Variants in TIMM23 observed in about 807,000 individuals in gnomAD.
TIMM23 encodes the protein mitochondrial import inner membrane translocase subunit Tim23.
In TIMM23, 19 loss-of-function variants were observed where a neutral mutation model predicts 30.7. The ratio of observed to expected loss-of-function variants is 0.62; its 90% confidence interval spans 0.43 to 0.91. The LOEUF (loss-of-function observed/expected upper bound fraction) is 0.91, where lower values mean the gene tolerates loss of function less well. Ranked by LOEUF, TIMM23 falls within the 40% of genes least tolerant of loss-of-function variation. TIMM23 has a pLI of 0.00. For synonymous variants in TIMM23, 78 were observed against 98.5 expected (o/e 0.79, Z 1.23); for missense variants, 202 against 269.2 (o/e 0.75, Z 1.75).
At chr10:46,000,221 G>A (rs1554917445) in intron 6 of TIMM23, among the ~76,000 whole-genome samples, 1 of 152,182 alleles carries the variant, frequency 6.6e-6, no homozygotes, top group African/African-American at 2.4e-5. Flanking sequence ...GGTATTGATT[G>A]GGGAAGTGAT....
rs782017344 is a variant in TIMM23 at position 45,975,413 on chromosome 10, A to G, written c.107-41A>G. 23 of 1,611,902 alleles carry G rather than the reference A, an allele frequency of 1.4e-5. No homozygotes were observed. The South Asian group carries it at 2.0e-4, about 14-fold the overall frequency. On this transcript the variant is annotated intron_variant, in intron 1 of 6. Coordinates refer to ENST00000580018, the MANE Select transcript of TIMM23 (RefSeq NM_006327.4). ...GGATTAACTCTAACTGGATTAACTTAAAGAATTTTGTTGCAATGTGACATT... is the reference window on the plus strand; with the variant it reads ...GGATTAACTCTAACTGGATTAACTTGAAGAATTTTGTTGCAATGTGACATT...
intron 6 of TIMM23, among the ~76,000 whole-genome samples, 193 bp from the exon 7 acceptor site, chr10:46,003,010 G>T (rs1838597888): frequency 6.6e-6 from 1 of 151,608 alleles, no homozygotes; most frequent in African/African-American, 2.4e-5. Flanking sequence ...TTTTTAATAG[G>T]GTTTCACTAT....
chr10:45,978,958 A>T (rs1837758987), intron 2 of TIMM23, among the ~76,000 whole-genome samples: 2 of 152,246 alleles, frequency 1.3e-5, no homozygotes, highest in African/African-American at 4.8e-5. Flanking sequence ...TTGGTAATAA[A>T]AAAAGAATTA....
Position 45,980,015 on chromosome 10 carries a change from A to G in TIMM23, c.166-2508A>G, listed in dbSNP as rs1429389296. Among the ~76,000 whole-genome samples the G allele has an allele frequency of 2.0e-3, 298 of 151,774 alleles. 2 individuals carry two copies. The highest frequency in any genetic ancestry group is 0.019 in the East Asian group (97 of 5,160). Reference sequence around the variant, plus strand: ...ACATAAAATATTTCATATCCCCCCAAAAACTTGTGAATTCATTCTTCATCA... The same window carrying G: ...ACATAAAATATTTCATATCCCCCCAGAAACTTGTGAATTCATTCTTCATCA... On this transcript the variant is annotated intron_variant, in intron 2 of 6. Coordinates refer to ENST00000580018, the MANE Select transcript of TIMM23 (RefSeq NM_006327.4).
intron 6 of TIMM23, among the ~76,000 whole-genome samples, chr10:45,994,448 A>G (rs1838266193): frequency 7.6e-6 from 1 of 131,734 alleles, no homozygotes; most frequent in East Asian, 2.2e-4. Flanking sequence ...TGTACCTACT[A>G]TGTTGAGCCC....
In TIMM23 at chr10:45,992,264, C is replaced by T. The variant is rs1554915931; in HGVS notation, c.514+3417C>T. Reference sequence around the variant, plus strand: ...AGGCGTGAGCCACTGTGCCCAGCTGCCTGAATTGTTTTTGACTCCCCATAG... The same window carrying T: ...AGGCGTGAGCCACTGTGCCCAGCTGTCTGAATTGTTTTTGACTCCCCATAG... On this transcript the variant is annotated intron_variant, in intron 6 of 6. Transcript: ENST00000580018. 3,756 of 423,518 alleles carry T rather than the reference C, an allele frequency of 8.9e-3. 50 individuals are homozygous for T. The highest frequency in any genetic ancestry group is 0.038 in the Middle Eastern group (48 of 1,248). The allele number at this position is 423,518 out of a possible 1,614,324, so 26.2% of individuals were successfully genotyped here. A position where few individuals can be genotyped will look rare whatever the true frequency, so the allele number is the denominator to read the frequency against.
intron 2 of TIMM23, among the ~76,000 whole-genome samples, chr10:45,980,585 C>T (rs1475505676): frequency 1.3e-5 from 2 of 151,856 alleles, no homozygotes; most frequent in African/African-American, 4.8e-5. Context: ...GTGTTAAACA[C>T]GCAAAATTAT....
At chr10:45,984,738 C>CAGA (rs1837948153) in intron 4 of TIMM23, 1 of 374,660 alleles carries the variant, frequency 2.7e-6, no homozygotes. Context: ...TGGTGCAAGG[C>CAGA]AGAACTGTGC....
At position 45,980,000 on chromosome 10, in the gene TIMM23, T is replaced by C. The variant is rs1221323136; in HGVS notation, c.166-2523T>C. 2.0e-5 allele frequency among the ~76,000 whole-genome samples: 3 copies of C among 151,980 alleles called. No individual in the cohort carries two copies. In the East Asian group the frequency reaches 5.8e-4, roughly 29 times the overall value. ...GCTTATTAAGGTTAGACATAAAATA[T>C]TTCATATCCCCCCAAAAACTTGTGA... On this transcript the variant is annotated intron_variant, in intron 2 of 6. Coordinates refer to ENST00000580018, the MANE Select transcript of TIMM23 (RefSeq NM_006327.4).
chr10:45,982,258 A>T (rs1432578737), intron 2 of TIMM23, among the ~76,000 whole-genome samples: 7 of 152,332 alleles, frequency 4.6e-5, no homozygotes, highest in Non-Finnish European at 8.8e-5. Context: ...CTTTCTAAAC[A>T]CTTTTGCACA....
rs1301475612 is a variant in TIMM23 at position 45,976,303 on chromosome 10, C to G, written c.165+791C>G. On this transcript the variant is annotated intron_variant, in intron 2 of 6. Transcript: ENST00000580018. ...AATCATTTGACAACATCCAACACCC[C>G]CTTTAATGATTATAAAAACAAACTA... Among the ~76,000 whole-genome samples the G allele has an allele frequency of 2.6e-4, 39 of 148,750 alleles. 1 individual carries two copies. Among genetic ancestry groups the G allele is most frequent in the Admixed American group, 2.6e-3 (39 of 14,964 alleles).
intron 6 of TIMM23, among the ~76,000 whole-genome samples, chr10:45,997,953 T>C (rs1312108760): frequency 6.6e-6 from 1 of 152,198 alleles, no homozygotes; most frequent in Admixed American, 6.5e-5. Context: ...GAATAAAGTT[T>C]TTTTAAAATT....
At position 45,972,507 on chromosome 10, in the gene TIMM23, C is replaced by T. The variant is rs1277627084; in HGVS notation, c.-118C>T. The T allele has an allele frequency of 4.2e-6, 6 of 1,440,496 alleles. No individual in the cohort carries two copies. Among genetic ancestry groups the T allele is most frequent in the Non-Finnish European group, 5.6e-6 (6 of 1,078,258 alleles). 89.2% of individuals were successfully genotyped at this position (1,440,496 alleles called of 1,614,324 possible). ...TAACGGGAACCGGCGCCCGGAAGGT[C>T]AGCGTGTGAAGTAGGCGCTGGCAAC... On this transcript the variant is annotated 5_prime_UTR_variant, in exon 1 of 7. Transcript: ENST00000580018.
chr10:45,985,837 A>C (rs1260506415), intron 5 of TIMM23, among the ~76,000 whole-genome samples: 1 of 152,220 alleles, frequency 6.6e-6, no homozygotes, highest in Non-Finnish European at 1.5e-5. Flanking sequence ...TGTTTTCTTA[A>C]TAGCCGGTTC....
At chr10:45,992,653 G>T in intron 6 of TIMM23, 1 of 397,466 alleles carries the variant, frequency 2.5e-6, no homozygotes, top group Middle Eastern at 3.9e-4. Flanking sequence ...CACCTCCCGG[G>T]TTCAAGCGAT....
At chr10:46,003,143 C>T (rs1023374733) in intron 6 of TIMM23, 60 bp from the exon 7 acceptor site, 9 of 1,335,122 alleles carry the variant, frequency 6.7e-6, no homozygotes, top group Admixed American at 5.2e-5. Flanking sequence ...TTAACCCTAT[C>T]GTGCTAGGGC....
chr10:45,987,916 C>A (rs1590120825), intron 5 of TIMM23, among the ~76,000 whole-genome samples: 1 of 152,028 alleles, frequency 6.6e-6, no homozygotes, highest in Non-Finnish European at 1.5e-5. Context: ...TGTGAGCCAC[C>A]ACACCTGGCT....
At chr10:46,003,054 C>T (rs1251794425) in intron 6 of TIMM23, 149 bp from the exon 7 acceptor site, 4 of 568,828 alleles carry the variant, frequency 7.0e-6, no homozygotes, top group Admixed American at 6.2e-5. Context: ...TATCCTCAAG[C>T]GATCCACCCA....
At chr10:45,982,809 G>A (rs1240142980) in intron 3 of TIMM23, 37 bp from the exon 4 acceptor site, 3 of 1,613,602 alleles carry the variant, frequency 1.9e-6, no homozygotes, top group East Asian at 2.2e-5. Context: ...TTAATATAAA[G>A]CTGTCTTTAT....
Sources: allele counts gnomAD v4.1 joint callset (sites outside exome capture counted in the v4.1 genomes callset), GRCh38; gene constraint gnomAD v4.1.1; transcripts MANE v1.5; gene names NCBI Gene and HGNC (gene_info 2026-07-23, HGNC 2026-07-21).